Variants in RBFOX1 observed in about 807,000 individuals in gnomAD.
RBFOX1 encodes RNA binding protein fox-1 homolog 1.
Under a neutral mutation model 57.7 loss-of-function variants are expected in RBFOX1, and 8 were observed. The observed-to-expected ratio is 0.14, with a 90% CI of 0.08 to 0.25. The LOEUF is 0.25. RBFOX1 is among the 10% of genes least tolerant of loss of function. RBFOX1 has a pLI of 1.00. For synonymous variants in RBFOX1, 326 were observed against 222.4 expected (o/e 1.47, Z -4.15); for missense variants, 611 against 548.5 (o/e 1.11, Z -1.14).
Position 5,731,370 on chromosome 16 carries a change from C to G in RBFOX1, c.318+132409C>G, listed in dbSNP as rs143539009. 1.7e-4 allele frequency among the ~76,000 whole-genome samples: 26 copies of G among 152,308 alleles called. No individual in the cohort carries two copies. In the East Asian group the frequency reaches 4.2e-3, roughly 25 times the overall value. Reference sequence around the variant, plus strand: ...CATCATATTAATCAATTCATATTTACAAAGTACTTTCTTTGTCAGGTATTA... The same window carrying G: ...CATCATATTAATCAATTCATATTTAGAAAGTACTTTCTTTGTCAGGTATTA... On this transcript the variant is annotated intron_variant, in intron 3 of 19. Transcript: ENST00000641259.
chr16:6,456,683 C>G (rs1056298214), intron 2 of RBFOX1, among the ~76,000 whole-genome samples: 1 of 152,140 alleles, frequency 6.6e-6, no homozygotes, highest in African/African-American at 2.4e-5. Context: ...CGGTTGCAGG[C>G]TGATGGGCAC....
At chr16:6,724,415 C>T (rs961406392) in intron 3 of RBFOX1, among the ~76,000 whole-genome samples, 8 of 151,886 alleles carry the variant, frequency 5.3e-5, no homozygotes, top group African/African-American at 1.7e-4. Flanking sequence ...CACCATGTTG[C>T]CAGGCTGGTC....
chr16:5,741,358 A>G (rs907347129), intron 3 of RBFOX1, among the ~76,000 whole-genome samples: 1 of 152,102 alleles, frequency 6.6e-6, no homozygotes, highest in Non-Finnish European at 1.5e-5. Flanking sequence ...CATCATCTCC[A>G]TCTTCTTTAA....
intron 4 of RBFOX1, among the ~76,000 whole-genome samples, chr16:7,367,405 T>C (rs569021964): frequency 2.6e-4 from 39 of 152,322 alleles, no homozygotes; most frequent in African/African-American, 8.9e-4. Flanking sequence ...CCCTCTCTCT[T>C]CGATGGATTC....
intron 1 of RBFOX1, among the ~76,000 whole-genome samples, chr16:6,298,020 G>A (rs1253496682): frequency 6.6e-6 from 1 of 152,218 alleles, no homozygotes; most frequent in Non-Finnish European, 1.5e-5. Context: ...GCAGAAAGCT[G>A]TTGCACTGGT....
intron 3 of RBFOX1, among the ~76,000 whole-genome samples, chr16:5,820,273 A>G (rs1191655262): frequency 6.6e-6 from 1 of 152,166 alleles, no homozygotes; most frequent in East Asian, 1.9e-4. Context: ...TGTCTTATTC[A>G]GTTCTTTGTC....
chr16:7,149,313 A>T (rs531307790), intron 4 of RBFOX1, among the ~76,000 whole-genome samples: 14 of 152,100 alleles, frequency 9.2e-5, no homozygotes, highest in African/African-American at 3.4e-4. Flanking sequence ...ACCACTCAGG[A>T]TGCAGGGTAA....
intron 2 of RBFOX1, among the ~76,000 whole-genome samples, chr16:6,500,292 A>G (rs1011334501): frequency 3.9e-5 from 6 of 152,190 alleles, no homozygotes; most frequent in African/African-American, 1.4e-4. Context: ...TGTGTTCAAC[A>G]CACCATGCTT....
At chr16:5,613,702 G>A (rs2047910534) in intron 3 of RBFOX1, among the ~76,000 whole-genome samples, 1 of 152,148 alleles carries the variant, frequency 6.6e-6, no homozygotes, top group Non-Finnish European at 1.5e-5. Flanking sequence ...ATCACTGAGT[G>A]GAAAGCTCAC....
intron 1 of RBFOX1, among the ~76,000 whole-genome samples, chr16:6,283,743 T>TTTTC: frequency 6.6e-6 from 1 of 152,306 alleles, no homozygotes; most frequent in African/African-American, 2.4e-5. Context: ...CTACTTTTGT[T>TTTTC]TTTCTTTCTT....
chr16:5,556,593 G>C (rs2045685704), intron 2 of RBFOX1, among the ~76,000 whole-genome samples: 1 of 152,248 alleles, frequency 6.6e-6, no homozygotes, highest in Non-Finnish European at 1.5e-5. Flanking sequence ...TACTGGGGTT[G>C]CTGGCTGAGC....
At chr16:6,635,778 G>A (rs2098426278) in intron 2 of RBFOX1, among the ~76,000 whole-genome samples, 1 of 152,094 alleles carries the variant, frequency 6.6e-6, no homozygotes, top group South Asian at 2.1e-4. Flanking sequence ...CTATTTTGAT[G>A]CACTTGACCA....
At chr16:6,766,751 C>G (rs1430388216) in intron 3 of RBFOX1, among the ~76,000 whole-genome samples, 1 of 152,090 alleles carries the variant, frequency 6.6e-6, no homozygotes. Flanking sequence ...CTGAAATTCA[C>G]AACTGGAATT....
intron 4 of RBFOX1, among the ~76,000 whole-genome samples, chr16:7,303,114 C>A (rs2096072659): frequency 6.6e-6 from 1 of 152,214 alleles, no homozygotes; most frequent in Admixed American, 6.5e-5. Context: ...GCACGTTAGT[C>A]CAACAGGCTT....
intron 1 of RBFOX1, among the ~76,000 whole-genome samples, chr16:6,313,881 T>C (rs2080723023): frequency 6.6e-6 from 1 of 152,168 alleles, no homozygotes; most frequent in Non-Finnish European, 1.5e-5. Context: ...ATATTAGGGT[T>C]TTCTTGCTGT....
intron 2 of RBFOX1, among the ~76,000 whole-genome samples, chr16:6,570,636 G>T (rs1194605199): frequency 6.6e-6 from 1 of 151,952 alleles, no homozygotes; most frequent in Non-Finnish European, 1.5e-5. Flanking sequence ...TAAAGACAAA[G>T]CACCTTTTTA....
At chr16:6,997,833 C>T (rs138382276) in intron 3 of RBFOX1, among the ~76,000 whole-genome samples, 2 of 152,084 alleles carry the variant, frequency 1.3e-5, no homozygotes, top group African/African-American at 2.4e-5. Context: ...AATAATTTGT[C>T]TTCTAGTAAT....
chr16:5,680,948 A>G (rs1269260004), intron 3 of RBFOX1, among the ~76,000 whole-genome samples: 2 of 152,016 alleles, frequency 1.3e-5, no homozygotes, highest in African/African-American at 4.8e-5. Flanking sequence ...CAGCTATAAA[A>G]TTAGCAACTA....
intron 3 of RBFOX1, among the ~76,000 whole-genome samples, chr16:6,834,445 G>A (rs1219494158): frequency 6.6e-6 from 1 of 152,060 alleles, no homozygotes; most frequent in African/African-American, 2.4e-5. Context: ...GAGGGGAAGC[G>A]TCAATGGATG....
Sources: allele counts gnomAD v4.1 joint callset (sites outside exome capture counted in the v4.1 genomes callset), GRCh38; gene constraint gnomAD v4.1.1; transcripts MANE v1.5; gene names NCBI Gene and HGNC (gene_info 2026-07-23, HGNC 2026-07-21).